GPM6A: variants seen among roughly 807,000 people sequenced by gnomAD.
GPM6A encodes the protein neuronal membrane glycoprotein M6-a.
Under a neutral mutation model 32.1 loss-of-function variants are expected in GPM6A, and 7 were observed. That is an observed-to-expected ratio of 0.22 (90% CI 0.12 to 0.41). The LOEUF (loss-of-function observed/expected upper bound fraction) is 0.41, where lower values mean the gene tolerates loss of function less well. GPM6A is among the 10% of genes least tolerant of loss of function. The pLI is 1.00. For missense variants in GPM6A, 235 were observed against 347.2 expected (o/e 0.68, Z 2.57); for synonymous variants, 130 against 123.4 (o/e 1.05, Z -0.35).
intron 2 of GPM6A, among the ~76,000 whole-genome samples, chr4:175,700,942 CTGTT>C (rs1744844092): frequency 6.6e-6 from 1 of 152,006 alleles, no homozygotes; most frequent in Admixed American, 6.6e-5. Flanking sequence ...AATTTTCAGA[CTGTT>C]TAAGTTACTT....
chr4:175,662,161 A>G (rs899826553), intron 3 of GPM6A, among the ~76,000 whole-genome samples: 4 of 152,120 alleles, frequency 2.6e-5, no homozygotes, highest in African/African-American at 4.8e-5. Flanking sequence ...ATATCTAAAT[A>G]TATGCCACAG....
chr4:175,661,767 A>G (rs1297554771), intron 3 of GPM6A, among the ~76,000 whole-genome samples: 1 of 152,218 alleles, frequency 6.6e-6, no homozygotes, highest in Non-Finnish European at 1.5e-5. Context: ...ATGACAACAT[A>G]CAGGACATAA....
At chr4:175,685,871 T>A (rs1384732057) in intron 2 of GPM6A, among the ~76,000 whole-genome samples, 1 of 152,152 alleles carries the variant, frequency 6.6e-6, no homozygotes, top group African/African-American at 2.4e-5. Context: ...CAAGCAGCAT[T>A]TTTACTAACA....
intron 2 of GPM6A, among the ~76,000 whole-genome samples, chr4:175,690,087 C>A (rs1429348754): frequency 6.6e-6 from 1 of 152,112 alleles, no homozygotes; most frequent in Non-Finnish European, 1.5e-5. Flanking sequence ...TTCTGGAAAT[C>A]TCATAAAGGT....
chr4:175,709,561 C>T (rs946107762), intron 1 of GPM6A, among the ~76,000 whole-genome samples: 1 of 151,942 alleles, frequency 6.6e-6, no homozygotes, highest in Non-Finnish European at 1.5e-5. Context: ...AACCCCATCT[C>T]TGCTAAAAAT....
intron 1 of GPM6A, among the ~76,000 whole-genome samples, chr4:175,723,668 T>C (rs1036957441): frequency 2.0e-5 from 3 of 152,214 alleles, no homozygotes; most frequent in Admixed American, 6.5e-5. Flanking sequence ...ATGTTCATCT[T>C]ACAGCCTTGT....
At chr4:176,001,409 T>C (rs1297682643) in intron 1 of GPM6A, among the ~76,000 whole-genome samples, 1 of 152,040 alleles carries the variant, frequency 6.6e-6, no homozygotes, top group Non-Finnish European at 1.5e-5. Flanking sequence ...GGATGGCGAG[T>C]GCTTTCTCCT....
chr4:176,000,439 C>T (rs889859378), intron 1 of GPM6A, among the ~76,000 whole-genome samples: 1 of 152,172 alleles, frequency 6.6e-6, no homozygotes, highest in African/African-American at 2.4e-5. Context: ...TATCCATGGG[C>T]ATTGAAGCAA....
chr4:175,906,033 C>T (rs1738121646), intron 1 of GPM6A, among the ~76,000 whole-genome samples: 1 of 152,060 alleles, frequency 6.6e-6, no homozygotes, highest in South Asian at 2.1e-4. Context: ...ATGAAAATTG[C>T]AGAATGGTTT....
At chr4:175,981,199 A>T (rs1450195752) in intron 1 of GPM6A, among the ~76,000 whole-genome samples, 3 of 152,170 alleles carry the variant, frequency 2.0e-5, no homozygotes. Context: ...AACAAAAATG[A>T]CCTACCACTC....
At chr4:175,898,146 C>G (rs1266035900) in intron 1 of GPM6A, among the ~76,000 whole-genome samples, 1 of 152,172 alleles carries the variant, frequency 6.6e-6, no homozygotes, top group Non-Finnish European at 1.5e-5. Flanking sequence ...ACCAGTGCAA[C>G]TGATTTCTCC....
chr4:175,683,590 T>C (rs1425932875), intron 2 of GPM6A, among the ~76,000 whole-genome samples: 1 of 151,976 alleles, frequency 6.6e-6, no homozygotes, highest in East Asian at 1.9e-4. Flanking sequence ...ATGGGAGGCA[T>C]TTGGGTCTTG....
intron 1 of GPM6A, among the ~76,000 whole-genome samples, chr4:175,918,518 A>AG (rs978422437): frequency 3.3e-5 from 5 of 152,086 alleles, no homozygotes; most frequent in African/African-American, 1.2e-4. Context: ...CAAAAAAAAA[A>AG]AGCTACAAAT....
At chr4:175,883,857 T>A (rs929057113) in intron 1 of GPM6A, among the ~76,000 whole-genome samples, 1 of 152,190 alleles carries the variant, frequency 6.6e-6, no homozygotes, top group Non-Finnish European at 1.5e-5. Flanking sequence ...AATTTACCAA[T>A]TCAGAAATGT....
At position 175,997,409 on chromosome 4, in the gene GPM6A, A is replaced by G. The variant is rs142932193; in HGVS notation, c.-23+4900T>C. On this transcript the variant is annotated intron_variant, in intron 1 of 7. Coordinates refer to the GPM6A transcript ENST00000280187. ...GTATTATCCAGTACTCTAGCATCAT[A>G]AAAGTGTTCTTGATTTGCTTAATGG... Among the ~76,000 whole-genome samples the G allele has an allele frequency of 6.0e-4, 91 of 152,318 alleles. 1 individual carries two copies. Among genetic ancestry groups the G allele is most frequent in the African/African-American group, 1.8e-3 (76 of 41,574 alleles).
intron 1 of GPM6A, among the ~76,000 whole-genome samples, chr4:175,914,231 A>G (rs1357162930): frequency 1.3e-5 from 2 of 152,200 alleles, no homozygotes. Flanking sequence ...TGTTCACTTA[A>G]TCCTGAATCC....
chr4:175,991,100 C>A (rs1427059959), intron 1 of GPM6A, among the ~76,000 whole-genome samples: 1 of 132,094 alleles, frequency 7.6e-6, no homozygotes, highest in African/African-American at 3.0e-5. Flanking sequence ...GACGTAATTT[C>A]GCTCTTGTAG....
At chr4:175,852,072 C>T (rs761087387) in intron 1 of GPM6A, among the ~76,000 whole-genome samples, 10 of 152,102 alleles carry the variant, frequency 6.6e-5, no homozygotes, top group Non-Finnish European at 1.3e-4. Flanking sequence ...GGGTATTGAA[C>T]TCCCCATAAT....
intron 1 of GPM6A, among the ~76,000 whole-genome samples, chr4:175,945,228 C>T (rs1175245525): frequency 6.6e-6 from 1 of 152,128 alleles, no homozygotes; most frequent in Non-Finnish European, 1.5e-5. Context: ...TAACTTCTTA[C>T]TGTACAGATA....
Sources: gnomAD v4.1 joint callset for allele counts (sites outside exome capture counted in the v4.1 genomes callset) on GRCh38, gnomAD v4.1.1 for gene constraint, MANE v1.5 for transcripts, NCBI Gene and HGNC (gene_info 2026-07-23, HGNC 2026-07-21) for gene names.